Variants in TANC2 observed in about 807,000 individuals in gnomAD.
The protein encoded by TANC2 is tetratricopeptide repeat, ankyrin repeat and coiled-coil containing 2.
A neutral mutation model predicts 210.5 loss-of-function variants in TANC2; 26 were observed. The ratio of observed to expected loss-of-function variants is 0.12; its 90% CI spans 0.09 to 0.17. The LOEUF is 0.17. Ranked by LOEUF, TANC2 falls within the 10% of genes least tolerant of loss-of-function variation. TANC2 has a pLI of 1.00. For synonymous variants in TANC2, 931 were observed against 967.1 expected (o/e 0.96, Z 0.69); for missense variants, 2,129 against 2,608.9 (o/e 0.82, Z 4.01).
chr17:63,006,058 TA>T (rs2033614694), intron 1 of TANC2, among the ~76,000 whole-genome samples: 2 of 152,170 alleles, frequency 1.3e-5, no homozygotes, highest in South Asian at 4.1e-4. Flanking sequence ...CATTTTATAT[TA>T]AATGTTAAAT....
At chr17:63,017,328 T>C (rs1057344305) in intron 2 of TANC2, among the ~76,000 whole-genome samples, 5 of 152,216 alleles carry the variant, frequency 3.3e-5, no homozygotes, top group Non-Finnish European at 7.3e-5. Context: ...ATAGTAGATA[T>C]TTTCTAAATT....
At chr17:63,423,590 G>C (rs964420132) in exon 28 of TANC2, 1 of 152,234 alleles carries the variant, frequency 6.6e-6, no homozygotes, top group Non-Finnish European at 1.5e-5. Context: ...ATCTGGCTGC[G>C]ACCAGTCCCA....
At chr17:63,360,392 A>C (rs1309159119) in intron 14 of TANC2, among the ~76,000 whole-genome samples, 1 of 152,204 alleles carries the variant, frequency 6.6e-6, no homozygotes, top group African/African-American at 2.4e-5. Context: ...GGCCTCTTAG[A>C]ACTAAATCAA....
chr17:63,006,329 T>C (rs2033625591), intron 1 of TANC2, among the ~76,000 whole-genome samples: 1 of 152,134 alleles, frequency 6.6e-6, no homozygotes, highest in Non-Finnish European at 1.5e-5. Context: ...TGCTGCTTGC[T>C]TTTGAAATTT....
intron 14 of TANC2, among the ~76,000 whole-genome samples, chr17:63,368,998 C>T (rs1483102332): frequency 1.3e-5 from 2 of 152,212 alleles, no homozygotes; most frequent in Non-Finnish European, 2.9e-5. Flanking sequence ...TTAGTTGCCA[C>T]ACTCGTGTTC....
chr17:62,972,606 CTAGA>C (rs1441220828), intron 1 of TANC2, among the ~76,000 whole-genome samples: 1 of 152,066 alleles, frequency 6.6e-6, no homozygotes, highest in Non-Finnish European at 1.5e-5. Context: ...AGTGATCTTT[CTAGA>C]TAGTCATTTG....
intron 8 of TANC2, among the ~76,000 whole-genome samples, chr17:63,245,843 A>G (rs1267289186): frequency 1.1e-5 from 1 of 93,922 alleles, no homozygotes; most frequent in Non-Finnish European, 2.3e-5. Flanking sequence ...ACTCCTTATC[A>G]AAAAAAAAAA....
intron 2 of TANC2, among the ~76,000 whole-genome samples, chr17:63,054,030 AAC>A (rs1243899994): frequency 6.6e-6 from 1 of 152,220 alleles, no homozygotes; most frequent in African/African-American, 2.4e-5. Context: ...CTTGAAAAAG[AAC>A]ACAGTTTTAA....
chr17:63,382,182 A>T (rs912353911), intron 15 of TANC2, among the ~76,000 whole-genome samples: 2 of 152,218 alleles, frequency 1.3e-5, no homozygotes, highest in Non-Finnish European at 2.9e-5. Flanking sequence ...TATGTATTTC[A>T]GGCGTATTTC....
intron 8 of TANC2, among the ~76,000 whole-genome samples, chr17:63,252,970 C>A (rs912733011): frequency 7.2e-5 from 11 of 152,130 alleles, no homozygotes; most frequent in African/African-American, 2.7e-4. Flanking sequence ...AATTTTCCTT[C>A]TTTGGGGTAT....
chr17:63,374,726 A>T (rs2047374439), intron 14 of TANC2, among the ~76,000 whole-genome samples: 1 of 152,222 alleles, frequency 6.6e-6, no homozygotes, highest in African/African-American at 2.4e-5. Context: ...AGGATAAGGT[A>T]AAAAGGTAAA....
chr17:63,102,344 A>G (rs979710009), intron 4 of TANC2, among the ~76,000 whole-genome samples: 4 of 151,816 alleles, frequency 2.6e-5, no homozygotes, highest in African/African-American at 9.7e-5. Context: ...AAATAAATAA[A>G]AAGAGTTGGA....
chr17:63,427,107 CTGAG>C (rs1446903306), exon 28 of TANC2: 1 of 152,236 alleles, frequency 6.6e-6, no homozygotes, highest in Non-Finnish European at 1.5e-5. Context: ...CTGATTCCTG[CTGAG>C]TGAGGCCAGT....
At chr17:63,156,725 C>G (rs1352239553) in intron 5 of TANC2, among the ~76,000 whole-genome samples, 1 of 151,572 alleles carries the variant, frequency 6.6e-6, no homozygotes, top group Non-Finnish European at 1.5e-5. Context: ...TTTTCTCTCT[C>G]TCTCTTTAAA....
chr17:63,332,811 A>G (rs534503838), intron 11 of TANC2, among the ~76,000 whole-genome samples: 3 of 152,166 alleles, frequency 2.0e-5, no homozygotes, highest in South Asian at 4.1e-4. Flanking sequence ...GTTAAAGCCA[A>G]TGTTCATTTA....
chr17:63,277,273 T>G (rs1038414344), intron 9 of TANC2, among the ~76,000 whole-genome samples: 2 of 149,028 alleles, frequency 1.3e-5, no homozygotes, highest in Non-Finnish European at 3.0e-5. Context: ...TCTTTCCATC[T>G]TCTTCTTTTT....
At chr17:63,050,705 A>C (rs2035553196) in intron 2 of TANC2, among the ~76,000 whole-genome samples, 1 of 152,216 alleles carries the variant, frequency 6.6e-6, no homozygotes, top group Admixed American at 6.5e-5. Flanking sequence ...AACTGCATCA[A>C]ATGTTGATAA....
intron 14 of TANC2, among the ~76,000 whole-genome samples, chr17:63,372,424 A>C (rs1023214287): frequency 2.6e-5 from 4 of 152,222 alleles, no homozygotes; most frequent in South Asian, 2.1e-4. Flanking sequence ...ACCCTGCTAC[A>C]CACATTAAAG....
At chr17:62,977,131 A>G (rs914756249) in intron 1 of TANC2, among the ~76,000 whole-genome samples, 1 of 152,180 alleles carries the variant, frequency 6.6e-6, no homozygotes, top group African/African-American at 2.4e-5. Context: ...TTCAAGTGCT[A>G]TTTCTTTGCA....
Sources: allele counts gnomAD v4.1 joint callset (sites outside exome capture counted in the v4.1 genomes callset), GRCh38; gene constraint gnomAD v4.1.1; transcripts MANE v1.5; gene names NCBI Gene and HGNC (gene_info 2026-07-23, HGNC 2026-07-21).